Variants in STAT3 observed in about 807,000 individuals in gnomAD.
STAT3 encodes the protein signal transducer and activator of transcription 3.
A neutral mutation model predicts 114.3 loss-of-function variants in STAT3; 7 were observed. The ratio of observed to expected loss-of-function variants is 0.06; its 90% CI spans 0.03 to 0.11. The LOEUF is 0.11. Among genes scored for constraint, STAT3 ranks in the 10% least tolerant of loss-of-function variants. The probability of loss-of-function intolerance (pLI) is 1.00; values close to 1 mark genes in which losing one functional copy is unlikely to be tolerated. For synonymous variants in STAT3, 331 were observed against 354.5 expected (o/e 0.93, Z 0.74); for missense variants, 364 against 960.9 (o/e 0.38, Z 8.21).
chr17:42,317,265 C>T (rs1013947092), intron 21 of STAT3, 41 bp from the exon 22 acceptor site: 10 of 1,608,834 alleles, frequency 6.2e-6, no homozygotes, highest in African/African-American at 5.3e-5. Flanking sequence ...ACTGTGACTT[C>T]GCATTCAGTA....
intron 1 of STAT3, among the ~76,000 whole-genome samples, chr17:42,369,317 AC>A (rs1420564082): frequency 6.6e-6 from 1 of 152,176 alleles, no homozygotes; most frequent in Non-Finnish European, 1.5e-5. Flanking sequence ...AAATCGTGCC[AC>A]CTGCATTCCA....
Position 42,313,827 on chromosome 17 carries a change from G to A in STAT3, c.*1918C>T, listed in dbSNP as rs1405648719. 1 of 232,918 alleles carries A rather than the reference G, an allele frequency of 4.3e-6. No homozygotes were observed. The highest frequency in any genetic ancestry group is 8.5e-6 in the Non-Finnish European group (1 of 117,582). The allele number at this position is 232,918 out of a possible 1,614,324, so 14.4% of individuals were successfully genotyped here. ...TGTACTGAAGAGTGTTGCTGGAGAA[G>A]TAAGAGCTCTGCATGACACATCAAC... On this transcript the variant is annotated 3_prime_UTR_variant, in exon 24 of 24. Transcript: ENST00000264657.
intron 14 of STAT3, among the ~76,000 whole-genome samples, chr17:42,328,907 G>C (rs1011965780): frequency 2.6e-5 from 4 of 152,166 alleles, no homozygotes; most frequent in Non-Finnish European, 5.9e-5. Context: ...TAAAGAACAA[G>C]ATGGGTTTTT....
intron 1 of STAT3, among the ~76,000 whole-genome samples, chr17:42,379,023 A>AT (rs2084628931): frequency 1.3e-5 from 2 of 152,190 alleles, no homozygotes; most frequent in African/African-American, 4.8e-5. Flanking sequence ...AATCAAATCA[A>AT]TCAAACAAAG....
At chr17:42,386,314 TTTCACAAAA>T (rs1402421322) in intron 1 of STAT3, among the ~76,000 whole-genome samples, 1 of 151,972 alleles carries the variant, frequency 6.6e-6, no homozygotes, top group Non-Finnish European at 1.5e-5. Flanking sequence ...CACTGATACT[TTTCACAAAA>T]TATACAGAAG....
intron 1 of STAT3, among the ~76,000 whole-genome samples, chr17:42,354,531 G>A (rs1360411342): frequency 2.6e-5 from 4 of 151,452 alleles, no homozygotes; most frequent in Non-Finnish European, 4.4e-5. Flanking sequence ...GCACCAGGCT[G>A]GGCACAGTGG....
intron 1 of STAT3, among the ~76,000 whole-genome samples, chr17:42,362,990 A>T (rs1057360412): frequency 5.3e-5 from 8 of 152,254 alleles, no homozygotes; most frequent in Non-Finnish European, 1.0e-4. Flanking sequence ...ACTCATAACC[A>T]CTATGCTGGA....
Position 42,326,149 on chromosome 17 carries a change from C to A in STAT3, c.1332G>T (p.Glu444Asp). Residue 444 changes from glutamate to aspartate, a missense_variant, in exon 15 of 24, where the codon GAG becomes GAT. This residue lies in a region of STAT3 where 294 missense variants were observed against 745.1 expected (regional missense o/e 0.39). Transcript: ENST00000264657. Reference protein sequence around the residue: ...EELHLITFETEVYHQGLKIDL... With the variant: ...EELHLITFETDVYHQGLKIDL... ...CAATCTTGAGGCCTTGGTGATACAC[C>A]TCGGTCTCAAAGGTGATCAGGTGCA... 1.9e-6 allele frequency: 3 copies of A among 1,614,016 alleles called. No homozygotes were observed. The African/African-American group carries it at 4.0e-5, about 22-fold the overall frequency.
At chr17:42,328,049 G>GAA (rs971734925) in intron 14 of STAT3, among the ~76,000 whole-genome samples, 2 of 149,880 alleles carry the variant, frequency 1.3e-5, no homozygotes, top group Non-Finnish European at 3.0e-5. Context: ...AAAAAAAAAA[G>GAA]AAAAAAGAAA....
chr17:42,323,426 A>C, intron 18 of STAT3, 72 bp from the exon 19 acceptor site: 1 of 1,572,950 alleles, frequency 6.4e-7, no homozygotes. Context: ...GGTGCAGTGC[A>C]TCACCCAAAT....
At chr17:42,362,140 C>CCA (rs1314868666) in intron 1 of STAT3, among the ~76,000 whole-genome samples, 1 of 152,134 alleles carries the variant, frequency 6.6e-6, no homozygotes, top group East Asian at 1.9e-4. Flanking sequence ...GGCAATTGGG[C>CCA]CACACAGTCT....
chr17:42,336,985 A>AT (rs2082255594), intron 8 of STAT3, among the ~76,000 whole-genome samples: 1 of 151,848 alleles, frequency 6.6e-6, no homozygotes, highest in Admixed American at 6.6e-5. Context: ...TTTTATTTTT[A>AT]TTTTTTTGAG....
intron 4 of STAT3, among the ~76,000 whole-genome samples, chr17:42,343,583 T>C (rs2082552711): frequency 6.6e-6 from 1 of 151,098 alleles, no homozygotes; most frequent in East Asian, 2.0e-4. Flanking sequence ...GCTTCCCGAG[T>C]AGCTGGGACT....
chr17:42,323,292 C>G lies in STAT3; in HGVS notation c.1716G>C (p.Val572=). Residue 572 remains valine, a synonymous_variant, in exon 19 of 24, where the codon GTG becomes GTC. Coordinates refer to ENST00000264657, the MANE Select transcript of STAT3 (RefSeq NM_139276.3). ...WVWLDNIIDL[V]KKYILALWNE... is the part of the protein sequence containing the mutation. ...TCCAAAGGGCCAGGATGTACTTTTT[C>G]ACAAGGTCAATGATATTGTCCAGCC... is the stretch of plus-strand genomic sequence containing the variant. 6.2e-7 allele frequency: 1 copy of G among 1,614,158 alleles called. No individual in the cohort carries two copies. Among genetic ancestry groups the G allele is most frequent in the Non-Finnish European group, 8.5e-7 (1 of 1,180,016 alleles).
At chr17:42,371,697 T>C (rs2084153247) in intron 1 of STAT3, among the ~76,000 whole-genome samples, 1 of 131,198 alleles carries the variant, frequency 7.6e-6, no homozygotes, top group Non-Finnish European at 1.6e-5. Flanking sequence ...AAAAAAAAAT[T>C]GAGGCCAGGT....
chr17:42,387,346 T>C (rs1423786223), intron 1 of STAT3: 1 of 152,232 alleles, frequency 6.6e-6, no homozygotes, highest in Admixed American at 6.5e-5. Context: ...CATGGTTTTT[T>C]CAAGGCCAGC....
At chr17:42,318,129 T>C (rs556149693) in intron 21 of STAT3, among the ~76,000 whole-genome samples, 1 of 142,234 alleles carries the variant, frequency 7.0e-6, no homozygotes, top group East Asian at 1.9e-4. Context: ...TTTTTGTCTT[T>C]TTTTTTTTTG....
intron 1 of STAT3, among the ~76,000 whole-genome samples, chr17:42,375,549 C>T (rs2084400966): frequency 6.6e-6 from 1 of 152,122 alleles, no homozygotes; most frequent in African/African-American, 2.4e-5. Flanking sequence ...AATAAGCAAA[C>T]CGGGTCAGGT....
chr17:42,386,280 C>CA (rs61454571), intron 1 of STAT3, among the ~76,000 whole-genome samples: 47,445 of 105,806 alleles, frequency 0.45, 8,764 homozygotes, highest in South Asian at 0.53. Context: ...GACTCTGACT[C>CA]AAAAAAAAAA....
Sources: allele counts gnomAD v4.1 joint callset (sites outside exome capture counted in the v4.1 genomes callset), GRCh38; gene constraint gnomAD v4.1.1; regional missense constraint gnomAD v4.1.1; transcripts MANE v1.5; gene names NCBI Gene and HGNC (gene_info 2026-07-23, HGNC 2026-07-21).